The following C12orf42 variants were observed in gnomAD, a reference collection of about 807,000 sequenced individuals.
The protein encoded by C12orf42 is uncharacterized protein C12orf42.
C12orf42 carries 25 observed loss-of-function variants against 21.6 expected under a neutral mutation model. The observed-to-expected ratio is 1.16, with a 90% CI of 0.84 to 1.62. The LOEUF is 1.62. C12orf42 is among the 40% of genes most tolerant of loss of function. The probability of loss-of-function intolerance (pLI) is 0.00; values close to 1 mark genes in which losing one functional copy is unlikely to be tolerated. For missense variants in C12orf42, 483 were observed against 459.3 expected, an observed-to-expected ratio of 1.05 and a Z score of -0.47; for synonymous variants, 174 against 175.0, an observed-to-expected ratio of 0.99 and a Z score of 0.05.
intron 4 of C12orf42, among the ~76,000 whole-genome samples, chr12:103,323,997 G>A (rs949640098): frequency 1.3e-5 from 2 of 152,046 alleles, no homozygotes; most frequent in African/African-American, 4.8e-5. Context: ...AATTCATTTG[G>A]TGTTCACACT....
the C12orf42 span, among the ~76,000 whole-genome samples, chr12:103,562,786 A>G: frequency 6.6e-6 from 1 of 152,180 alleles, no homozygotes; most frequent in Non-Finnish European, 1.5e-5. Context: ...TCATGAAATA[A>G]CTGCTTACTT....
chr12:103,290,651 A>G (rs1199578586), intron 4 of C12orf42, among the ~76,000 whole-genome samples: 3 of 152,222 alleles, frequency 2.0e-5, no homozygotes, highest in Admixed American at 6.6e-5. Context: ...GGATTAATTA[A>G]TGGACAGTTT....
chr12:103,377,232 T>C (rs1182079764), intron 3 of C12orf42, among the ~76,000 whole-genome samples: 2 of 151,912 alleles, frequency 1.3e-5, no homozygotes, highest in Non-Finnish European at 2.9e-5. Flanking sequence ...GCTTCTCTCT[T>C]CTGCTTGTTT....
chr12:103,060,962 A>C, the C12orf42 span, among the ~76,000 whole-genome samples: 15 of 152,228 alleles, frequency 9.9e-5, no homozygotes, highest in African/African-American at 3.4e-4. Flanking sequence ...CAAAAGCCAA[A>C]ATTGACAAAT....
At chr12:103,324,644 T>C (rs1187083353) in intron 4 of C12orf42, among the ~76,000 whole-genome samples, 1 of 152,208 alleles carries the variant, frequency 6.6e-6, no homozygotes, top group Non-Finnish European at 1.5e-5. Context: ...AGAGTTTCTA[T>C]TCATTTCCAT....
At chr12:103,080,919 T>G in the C12orf42 span, 1 of 152,206 alleles carries the variant, frequency 6.6e-6, no homozygotes, top group East Asian at 1.9e-4. Context: ...CAAAGTCACA[T>G]GACTAGTAAT....
intron 10 of C12orf42, among the ~76,000 whole-genome samples, chr12:103,247,921 T>C (rs2034092163): frequency 6.6e-6 from 1 of 152,068 alleles, no homozygotes; most frequent in Non-Finnish European, 1.5e-5. Context: ...TGCCATTCCA[T>C]TCTCCCAATA....
the C12orf42 span, among the ~76,000 whole-genome samples, chr12:103,506,851 T>TGTATATA: frequency 1.5e-5 from 1 of 68,452 alleles, no homozygotes; most frequent in African/African-American, 6.6e-5. Flanking sequence ...ATATATATAT[T>TGTATATA]TATATATTAT....
intron 2 of C12orf42, among the ~76,000 whole-genome samples, chr12:103,405,436 G>A (rs1159461509): frequency 6.6e-6 from 1 of 152,126 alleles, no homozygotes; most frequent in Admixed American, 6.5e-5. Flanking sequence ...GGATGATAAG[G>A]CTGGAGAAGG....
the C12orf42 span, among the ~76,000 whole-genome samples, chr12:103,161,283 GA>G: frequency 3.9e-5 from 6 of 151,974 alleles, no homozygotes; most frequent in African/African-American, 1.4e-4. Context: ...AGGTGGGATT[GA>G]AAAAGTGTCC....
chr12:103,253,199 G>A (rs563040167), intron 10 of C12orf42, among the ~76,000 whole-genome samples: 13 of 152,214 alleles, frequency 8.5e-5, no homozygotes, highest in East Asian at 3.9e-4. Flanking sequence ...TGCTGTTTTC[G>A]TTACTGTAGC....
At chr12:103,194,427 G>A in the C12orf42 span, among the ~76,000 whole-genome samples, 5 of 152,012 alleles carry the variant, frequency 3.3e-5, no homozygotes, top group African/African-American at 1.2e-4. Flanking sequence ...AAAGCCTAAA[G>A]GACTCCACAA....
At chr12:103,404,813 A>C (rs760105554) in intron 2 of C12orf42, among the ~76,000 whole-genome samples, 49 of 152,248 alleles carry the variant, frequency 3.2e-4, no homozygotes, top group Non-Finnish European at 7.2e-4. Context: ...GAGGGAAAAA[A>C]AGCCTTTTGT....
intron 4 of C12orf42, among the ~76,000 whole-genome samples, chr12:103,280,851 A>G (rs1253842653): frequency 6.6e-6 from 1 of 152,180 alleles, no homozygotes; most frequent in African/African-American, 2.4e-5. Context: ...AAGGGAAGAG[A>G]AAGTGACTTG....
At chr12:103,334,708 G>A (rs2041537340) in intron 4 of C12orf42, among the ~76,000 whole-genome samples, 1 of 152,128 alleles carries the variant, frequency 6.6e-6, no homozygotes. Context: ...TATGTCAAGA[G>A]AGTCAGAGCT....
rs111420379 is a variant in C12orf42, at chr12:103,423,263, C to A, written c.79-21588G>T. Reference sequence around the variant, plus strand: ...TGTGACAATTTGTGGGCCCTCCCCCCCTTGGCCCCTGGTCTGGCCTGCCTG... The same window carrying A: ...TGTGACAATTTGTGGGCCCTCCCCCACTTGGCCCCTGGTCTGGCCTGCCTG... On this transcript the variant is annotated intron_variant, in intron 2 of 5. Coordinates refer to ENST00000548883, the MANE Select transcript of C12orf42 (RefSeq NM_198521.5). Among the ~76,000 whole-genome samples, 32 of 152,314 alleles carry A rather than the reference C, an allele frequency of 2.1e-4. No homozygotes were observed. In the South Asian group the frequency reaches 5.2e-3, roughly 25 times the overall value.
intron 4 of C12orf42, among the ~76,000 whole-genome samples, chr12:103,292,215 T>C (rs1441407628): frequency 6.6e-6 from 1 of 152,250 alleles, no homozygotes; most frequent in East Asian, 1.9e-4. Context: ...TCCAGAATAG[T>C]GGACATCTAT....
chr12:103,398,325 AT>A (rs2138623789), intron 3 of C12orf42, among the ~76,000 whole-genome samples: 1 of 152,248 alleles, frequency 6.6e-6, no homozygotes, highest in Non-Finnish European at 1.5e-5. Context: ...CTGTTGGTGA[AT>A]TGTCAATTCA....
the C12orf42 span, among the ~76,000 whole-genome samples, chr12:103,194,865 G>C: frequency 6.6e-6 from 1 of 152,088 alleles, no homozygotes; most frequent in African/African-American, 2.4e-5. Flanking sequence ...GTGTATTGGT[G>C]GGGTTTGGTG....
Sources: allele counts gnomAD v4.1 joint callset (sites outside exome capture counted in the v4.1 genomes callset), GRCh38; gene constraint gnomAD v4.1.1; transcripts MANE v1.5; gene names NCBI Gene and HGNC (gene_info 2026-07-23, HGNC 2026-07-21).